DSCAM: variants seen among roughly 807,000 people sequenced by gnomAD.
DSCAM encodes cell adhesion molecule DSCAM.
A neutral mutation model predicts 217.7 loss-of-function variants in DSCAM; 47 were observed. The observed-to-expected ratio is 0.22, with a 90% CI of 0.17 to 0.28. The LOEUF (loss-of-function observed/expected upper bound fraction) is 0.28, where lower values mean the gene tolerates loss of function less well. Ranked by LOEUF, DSCAM falls within the 10% of genes least tolerant of loss-of-function variation. The pLI, the probability that DSCAM is intolerant of heterozygous loss-of-function variation, is 1.00. For synonymous variants in DSCAM, 1,056 were observed against 1,015.3 expected, an observed-to-expected ratio of 1.04 and a Z score of -0.76; for missense variants, 2,080 against 2,618.3, an observed-to-expected ratio of 0.79 and a Z score of 4.49.
At chr21:40,171,401 C>T (rs1023004440) in intron 15 of DSCAM, among the ~76,000 whole-genome samples, 2 of 152,094 alleles carry the variant, frequency 1.3e-5, no homozygotes, top group African/African-American at 2.4e-5. Context: ...TTATGAAGGT[C>T]CCCACTGAAG....
intron 10 of DSCAM, among the ~76,000 whole-genome samples, chr21:40,292,957 T>C (rs59282431): frequency 0.086 from 13,005 of 152,078 alleles, 1,275 homozygotes; most frequent in East Asian, 0.22. Flanking sequence ...AGGATGGTCT[T>C]GATCTCCTGA....
chr21:40,441,968 G>T (rs575218084), intron 3 of DSCAM, among the ~76,000 whole-genome samples: 3 of 152,168 alleles, frequency 2.0e-5, no homozygotes, highest in Non-Finnish European at 4.4e-5. Context: ...CTATTTGTAA[G>T]AAATCCACTT....
At chr21:40,760,239 A>G (rs1222500380) in intron 1 of DSCAM, among the ~76,000 whole-genome samples, 1 of 152,032 alleles carries the variant, frequency 6.6e-6, no homozygotes, top group African/African-American at 2.4e-5. Context: ...GATTGTCTCA[A>G]TCTCTTGACC....
rs548605396 is a variant in DSCAM at position 40,413,037 on chromosome 21, C to T, written c.509-43792G>A. On this transcript the variant is annotated intron_variant, in intron 3 of 32. Coordinates refer to ENST00000400454, the MANE Select transcript of DSCAM (RefSeq NM_001389.5). ...TTGGCAGCTTCCACATGGTGTTGAC[C>T]CTGCGAGTGCACAGAAGTCAAGAAT... is the stretch of plus-strand genomic sequence containing the variant. Among the ~76,000 whole-genome samples the T allele has an allele frequency of 1.1e-4, 17 of 152,306 alleles. No homozygotes were observed. The South Asian group carries it at 3.5e-3, about 32-fold the overall frequency.
intron 29 of DSCAM, among the ~76,000 whole-genome samples, chr21:40,053,346 C>T (rs188201481): frequency 1.6e-4 from 24 of 152,314 alleles, no homozygotes; most frequent in African/African-American, 4.1e-4. Flanking sequence ...GGCGGTCACT[C>T]GACTCCTCAA....
At chr21:40,226,764 TA>T (rs1403789137) in intron 11 of DSCAM, among the ~76,000 whole-genome samples, 1 of 152,236 alleles carries the variant, frequency 6.6e-6, no homozygotes, top group Non-Finnish European at 1.5e-5. Flanking sequence ...ATTTTTATTT[TA>T]AGTTCAGGGG....
At chr21:40,139,645 G>T (rs1379598101) in intron 18 of DSCAM, among the ~76,000 whole-genome samples, 2 of 151,930 alleles carry the variant, frequency 1.3e-5, no homozygotes, top group African/African-American at 4.8e-5. Flanking sequence ...TTTCATAGGT[G>T]TATGTGGTGT....
intron 16 of DSCAM, among the ~76,000 whole-genome samples, chr21:40,150,188 A>T (rs750797450): frequency 7.2e-5 from 11 of 152,276 alleles, no homozygotes; most frequent in African/African-American, 2.7e-4. Context: ...CAAGGCAAGT[A>T]CAGGGTAGGA....
chr21:40,376,621 C>CAATATCTATATATCTTA (rs2074962584), intron 3 of DSCAM, among the ~76,000 whole-genome samples: 1 of 139,584 alleles, frequency 7.2e-6, no homozygotes, highest in African/African-American at 2.8e-5. Flanking sequence ...ATATAGATAT[C>CAATATCTATATATCTTA]GATATCTATA....
chr21:40,198,260 C>T (rs2091036219), intron 11 of DSCAM, among the ~76,000 whole-genome samples: 1 of 152,072 alleles, frequency 6.6e-6, no homozygotes, highest in Non-Finnish European at 1.5e-5. Flanking sequence ...AAGCTTTTTC[C>T]TTCCTTCTGT....
At chr21:40,812,415 C>T (rs1169229133) in intron 1 of DSCAM, among the ~76,000 whole-genome samples, 1 of 152,090 alleles carries the variant, frequency 6.6e-6, no homozygotes. Context: ...CACACTGTGC[C>T]CAGCACGCAG....
intron 1 of DSCAM, among the ~76,000 whole-genome samples, chr21:40,816,851 A>G (rs181535048): frequency 6.6e-6 from 1 of 152,334 alleles, no homozygotes; most frequent in East Asian, 1.9e-4. Context: ...TCAATAGACT[A>G]AAGTTTCCCC....
At chr21:40,577,891 T>G (rs1664707153) in intron 3 of DSCAM, among the ~76,000 whole-genome samples, 1 of 152,118 alleles carries the variant, frequency 6.6e-6, no homozygotes, top group Non-Finnish European at 1.5e-5. Context: ...CCACAGTATC[T>G]TATCAGTTAA....
chr21:40,705,484 A>C (rs778622774), intron 2 of DSCAM, among the ~76,000 whole-genome samples: 8 of 152,148 alleles, frequency 5.3e-5, no homozygotes, highest in Non-Finnish European at 1.0e-4. Context: ...GCAATTTATA[A>C]AGAAAAGAGG....
chr21:40,355,341 G>A (rs1010145592), intron 4 of DSCAM, among the ~76,000 whole-genome samples: 2 of 152,160 alleles, frequency 1.3e-5, no homozygotes, highest in African/African-American at 2.4e-5. Flanking sequence ...GCAGCAGCTT[G>A]CAAATGATCA....
chr21:40,353,493 A>T lies in DSCAM; in HGVS notation c.906T>A (p.Ala302=), dbSNP rs1318033134. 1 of 1,610,958 alleles carries T rather than the reference A, an allele frequency of 6.2e-7. No individual in the cohort carries two copies. The change falls in exon 5 of 33, where the codon GCT becomes GCA. Residue 302 remains alanine (A), a synonymous_variant. Coordinates refer to ENST00000400454, the MANE Select transcript of DSCAM (RefSeq NM_001389.5). Reference sequence around the variant, plus strand: ...TCACGTACAGGCGGCCTATCACCTTAGCAGTTCCGTATCTGTTGGACACTT... The same window carrying T: ...TCACGTACAGGCGGCCTATCACCTTTGCAGTTCCGTATCTGTTGGACACTT... ...VCEVSNRYGT[A]KVIGRLYVKQ... is the part of the protein sequence containing the mutation.
chr21:40,150,646 T>G (rs1389323579), intron 16 of DSCAM, among the ~76,000 whole-genome samples: 1 of 152,198 alleles, frequency 6.6e-6, no homozygotes, highest in Non-Finnish European at 1.5e-5. Flanking sequence ...TGGAGACACG[T>G]GAATCCATTT....
At chr21:40,644,408 G>T (rs2089919130) in intron 3 of DSCAM, among the ~76,000 whole-genome samples, 1 of 152,296 alleles carries the variant, frequency 6.6e-6, no homozygotes, top group Admixed American at 6.5e-5. Flanking sequence ...GTAACCAAGG[G>T]TTAAGGCATA....
intron 11 of DSCAM, among the ~76,000 whole-genome samples, chr21:40,197,106 ATTTC>A (rs1209927691): frequency 2.7e-5 from 4 of 149,138 alleles, no homozygotes; most frequent in Admixed American, 2.0e-4. Context: ...TTTCTCCTTA[ATTTC>A]TTTCTTTCTT....
Sources: allele counts gnomAD v4.1 joint callset (sites outside exome capture counted in the v4.1 genomes callset), GRCh38; gene constraint gnomAD v4.1.1; transcripts MANE v1.5; gene names NCBI Gene and HGNC (gene_info 2026-07-23, HGNC 2026-07-21).